Variants in CSMD3 observed in about 807,000 individuals in gnomAD.
CSMD3 encodes CUB and Sushi multiple domains 3, also known as CUB and sushi domain-containing protein 3.
CSMD3 carries 177 observed loss-of-function variants against 435.2 expected under a neutral mutation model. The observed-to-expected ratio is 0.41, with a 90% confidence interval of 0.36 to 0.46. The LOEUF is 0.46. Among genes scored for constraint, CSMD3 ranks in the 20% least tolerant of loss-of-function variants. CSMD3 has a pLI of 0.34. For synonymous variants in CSMD3, 1,656 were observed against 1,520.5 expected, an observed-to-expected ratio of 1.09 and a Z score of -2.07; for missense variants, 4,265 against 4,504.6, an observed-to-expected ratio of 0.95 and a Z score of 1.52.
intron 50 of CSMD3, 198 bp downstream of exon 50, chr8:112,310,780 T>A: frequency 1.5e-6 from 1 of 672,342 alleles, no homozygotes; most frequent in South Asian, 1.6e-5. Context: ...ATAACAATAA[T>A]GAATAATTAT....
At chr8:112,541,714 C>T (rs1362759876) in intron 27 of CSMD3, among the ~76,000 whole-genome samples, 1 of 151,784 alleles carries the variant, frequency 6.6e-6, no homozygotes, top group African/African-American at 2.4e-5. Flanking sequence ...ACTCTTCCCA[C>T]CAACCCCCGC....
intron 2 of CSMD3, chr8:113,309,283 C>T (rs1351540206): frequency 6.6e-6 from 1 of 152,130 alleles, no homozygotes; most frequent in African/African-American, 2.4e-5. Context: ...AGGTCCATTA[C>T]ATGGGTATAC....
chr8:112,859,075 C>T (rs231300), intron 11 of CSMD3, 70 bp downstream of exon 11: 19,905 of 1,422,522 alleles, frequency 0.014, 205 homozygotes, highest in South Asian at 0.022. Flanking sequence ...CTGCATGTTC[C>T]GTATTATTTC....
intron 3 of CSMD3, among the ~76,000 whole-genome samples, chr8:113,235,235 A>G (rs2093134574): frequency 6.6e-6 from 1 of 152,118 alleles, no homozygotes; most frequent in Non-Finnish European, 1.5e-5. Flanking sequence ...AAGCTCTAGG[A>G]ACAGTTTAGA....
intron 32 of CSMD3, among the ~76,000 whole-genome samples, chr8:112,420,907 T>G (rs909725386): frequency 6.6e-6 from 1 of 152,124 alleles, no homozygotes; most frequent in Non-Finnish European, 1.5e-5. Flanking sequence ...TTTCATTGAA[T>G]TCTTTAACTC....
At chr8:113,140,067 A>C (rs1215753984) in intron 4 of CSMD3, among the ~76,000 whole-genome samples, 4 of 151,030 alleles carry the variant, frequency 2.6e-5, no homozygotes, top group Non-Finnish European at 4.5e-5. Flanking sequence ...TGTATTTTTG[A>C]CTTACAAGAT....
chr8:112,333,915 A>AT (rs1369447223), intron 45 of CSMD3, among the ~76,000 whole-genome samples: 1 of 152,266 alleles, frequency 6.6e-6, no homozygotes, highest in Non-Finnish European at 1.5e-5. Context: ...CAACTAATTC[A>AT]TTTTTTTATC....
chr8:113,260,479 G>C (rs1018350281), intron 3 of CSMD3, among the ~76,000 whole-genome samples: 8 of 152,036 alleles, frequency 5.3e-5, no homozygotes, highest in African/African-American at 1.9e-4. Context: ...GAGGCTCTGG[G>C]AACCCAAACA....
At chr8:113,060,039 T>G (rs1302476962) in intron 5 of CSMD3, among the ~76,000 whole-genome samples, 1 of 147,746 alleles carries the variant, frequency 6.8e-6, no homozygotes, top group Non-Finnish European at 1.5e-5. Flanking sequence ...CATGTGCACA[T>G]TGTGCAGGTT....
intron 22 of CSMD3, among the ~76,000 whole-genome samples, chr8:112,593,689 G>A (rs1382799644): frequency 1.3e-5 from 2 of 152,076 alleles, no homozygotes; most frequent in South Asian, 2.1e-4. Flanking sequence ...AATTTAACAG[G>A]TAGACAAAAG....
intron 4 of CSMD3, among the ~76,000 whole-genome samples, chr8:113,156,349 T>C (rs2091928230): frequency 6.6e-6 from 1 of 152,260 alleles, no homozygotes; most frequent in Non-Finnish European, 1.5e-5. Flanking sequence ...ACATATTTTA[T>C]AGAATTTTTC....
intron 1 of CSMD3, among the ~76,000 whole-genome samples, chr8:113,337,733 A>G (rs2094087549): frequency 6.6e-6 from 1 of 152,038 alleles, no homozygotes; most frequent in Non-Finnish European, 1.5e-5. Context: ...GAGGGATACA[A>G]TCTTTGAGTT....
At chr8:112,929,489 A>G (rs1363925144) in intron 9 of CSMD3, among the ~76,000 whole-genome samples, 4 of 152,106 alleles carry the variant, frequency 2.6e-5, no homozygotes, top group Non-Finnish European at 5.9e-5. Flanking sequence ...TATGGAGACT[A>G]AGAGATAAAT....
intron 13 of CSMD3, among the ~76,000 whole-genome samples, chr8:112,695,184 C>T (rs1285703367): frequency 6.6e-6 from 1 of 152,180 alleles, no homozygotes; most frequent in Non-Finnish European, 1.5e-5. Context: ...CTGTTATCCA[C>T]TAGCACCAAT....
chr8:112,725,205 G>A (rs181703221), intron 13 of CSMD3, among the ~76,000 whole-genome samples: 12 of 151,990 alleles, frequency 7.9e-5, no homozygotes, highest in Non-Finnish European at 1.3e-4. Flanking sequence ...TCATAGTCCC[G>A]TAAAGATAGA....
intron 23 of CSMD3, among the ~76,000 whole-genome samples, chr8:112,576,014 C>T (rs1829912167): frequency 6.6e-6 from 1 of 151,798 alleles, no homozygotes; most frequent in African/African-American, 2.4e-5. Context: ...AACTTCTCAC[C>T]AACATATAAT....
intron 1 of CSMD3, among the ~76,000 whole-genome samples, chr8:113,396,988 AATATTTGTTG>A (rs2094486524): frequency 6.6e-6 from 1 of 152,176 alleles, no homozygotes; most frequent in Non-Finnish European, 1.5e-5. Context: ...AAGTTGAAAG[AATATTTGTTG>A]AAATATTTTG....
chr8:113,322,071 A>T (rs1223260997), intron 1 of CSMD3, among the ~76,000 whole-genome samples: 1 of 152,176 alleles, frequency 6.6e-6, no homozygotes, highest in Non-Finnish European at 1.5e-5. Flanking sequence ...TAATAATTAC[A>T]AACTGAAAAC....
chr8:113,079,866 C>T (rs1050716637), intron 5 of CSMD3, among the ~76,000 whole-genome samples: 20 of 152,062 alleles, frequency 1.3e-4, no homozygotes, highest in African/African-American at 3.1e-4. Flanking sequence ...CAATAAAATA[C>T]GCAAAGTCAT....
Sources: gnomAD v4.1 joint callset for allele counts (sites outside exome capture counted in the v4.1 genomes callset) on GRCh38, gnomAD v4.1.1 for gene constraint, MANE v1.5 for transcripts, NCBI Gene and HGNC (gene_info 2026-07-23, HGNC 2026-07-21) for gene names.